DCC: variants seen among roughly 807,000 people sequenced by gnomAD.
The protein encoded by DCC is DCC netrin 1 receptor, also known as netrin receptor DCC.
DCC carries 58 observed loss-of-function variants against 172.5 expected under a neutral mutation model. That is an observed-to-expected ratio of 0.34 (90% CI 0.27 to 0.42). DCC has a LOEUF of 0.42. Ranked by LOEUF, DCC falls within the 10% of genes least tolerant of loss-of-function variation. The pLI is 1.00. For synonymous variants in DCC, 709 were observed against 644.5 expected, an observed-to-expected ratio of 1.10 and a Z score of -1.52; for missense variants, 1,740 against 1,791.0, an observed-to-expected ratio of 0.97 and a Z score of 0.51.
At chr18:52,619,124 G>A (rs1316749507) in intron 1 of DCC, among the ~76,000 whole-genome samples, 1 of 152,070 alleles carries the variant, frequency 6.6e-6, no homozygotes, top group Non-Finnish European at 1.5e-5. Context: ...TTTTAGTAGA[G>A]ACAAGGTTTC....
chr18:52,400,679 G>A (rs1256623444), intron 1 of DCC, among the ~76,000 whole-genome samples: 1 of 152,016 alleles, frequency 6.6e-6, no homozygotes, highest in Non-Finnish European at 1.5e-5. Context: ...CAATAGCAAA[G>A]ACTTGGAACC....
intron 2 of DCC, among the ~76,000 whole-genome samples, chr18:52,791,922 T>TG (rs1417887124): frequency 6.6e-6 from 1 of 152,130 alleles, no homozygotes; most frequent in Non-Finnish European, 1.5e-5. Flanking sequence ...TTCCTGCTGA[T>TG]GGGATAGTAT....
chr18:53,148,623 A>G (rs1006340323), intron 7 of DCC, among the ~76,000 whole-genome samples: 4 of 152,170 alleles, frequency 2.6e-5, no homozygotes, highest in Non-Finnish European at 4.4e-5. Context: ...TGCAATGATT[A>G]GTAAGAAAAT....
At chr18:52,806,127 C>T (rs1316653791) in intron 2 of DCC, among the ~76,000 whole-genome samples, 1 of 152,150 alleles carries the variant, frequency 6.6e-6, no homozygotes, top group African/African-American at 2.4e-5. Flanking sequence ...CAGAAGCTTG[C>T]TGTGATGGAT....
intron 1 of DCC, among the ~76,000 whole-genome samples, chr18:52,738,598 G>A (rs796360840): frequency 5.3e-5 from 8 of 152,190 alleles, no homozygotes; most frequent in African/African-American, 1.7e-4. Flanking sequence ...GGAAGTTACC[G>A]TACTTACTAT....
intron 22 of DCC, among the ~76,000 whole-genome samples, chr18:53,448,494 T>G (rs1010471611): frequency 2.6e-5 from 4 of 152,128 alleles, no homozygotes; most frequent in Admixed American, 6.6e-5. Flanking sequence ...CTGGGTCCCT[T>G]CTGGGACACA....
chr18:52,361,521 C>A (rs950633783), intron 1 of DCC, among the ~76,000 whole-genome samples: 1 of 152,194 alleles, frequency 6.6e-6, no homozygotes, highest in East Asian at 1.9e-4. Flanking sequence ...CCAAGAGAGA[C>A]ACGTGCTAGG....
chr18:52,478,302 C>A (rs1989154732), intron 1 of DCC, among the ~76,000 whole-genome samples: 1 of 152,088 alleles, frequency 6.6e-6, no homozygotes, highest in Non-Finnish European at 1.5e-5. Flanking sequence ...TGTGTCTTTT[C>A]TTTGACCTAT....
chr18:52,555,443 ATACAGAATTATAAGAAG>A (rs2032891043), intron 1 of DCC, among the ~76,000 whole-genome samples: 1 of 152,140 alleles, frequency 6.6e-6, no homozygotes, highest in Non-Finnish European at 1.5e-5. Flanking sequence ...AATTTAGTGA[ATACAGAATTATAAGAAG>A]AAAGCAATGT....
chr18:52,779,060 T>TTGC (rs140215942), intron 2 of DCC, among the ~76,000 whole-genome samples: 8,038 of 152,260 alleles, frequency 0.053, 287 homozygotes, highest in South Asian at 0.16. Flanking sequence ...GTCAATTTAA[T>TTGC]TGTTGTGCTG....
intron 1 of DCC, among the ~76,000 whole-genome samples, chr18:52,701,540 T>C (rs932260807): frequency 1.3e-5 from 2 of 152,208 alleles, no homozygotes; most frequent in African/African-American, 4.8e-5. Flanking sequence ...AGGTTTCATG[T>C]TTTCTCTAAG....
At chr18:52,658,094 C>T (rs1598994279) in intron 1 of DCC, among the ~76,000 whole-genome samples, 1 of 152,292 alleles carries the variant, frequency 6.6e-6, no homozygotes, top group South Asian at 2.1e-4. Flanking sequence ...CCATTGACTT[C>T]CTATGTTTAT....
At chr18:52,520,060 C>G (rs1144056) in intron 1 of DCC, among the ~76,000 whole-genome samples, 151,002 of 152,260 alleles carry the variant, frequency 0.99, 74,892 homozygotes, top group Middle Eastern at 1. Flanking sequence ...ACATTAATTT[C>G]CCTTAATTTT....
chr18:53,272,590 C>T (rs183300055), intron 12 of DCC, among the ~76,000 whole-genome samples: 22 of 152,224 alleles, frequency 1.4e-4, no homozygotes, highest in African/African-American at 5.3e-4. Flanking sequence ...TTGTTTTTAT[C>T]TTCTAATGGA....
intron 1 of DCC, among the ~76,000 whole-genome samples, chr18:52,430,521 G>A (rs982132633): frequency 3.3e-5 from 5 of 152,150 alleles, no homozygotes; most frequent in Non-Finnish European, 7.4e-5. Context: ...GAAAGCTTGG[G>A]ACAGTGATGA....
At chr18:52,344,494 C>T (rs769616500) in intron 1 of DCC, among the ~76,000 whole-genome samples, 1 of 152,166 alleles carries the variant, frequency 6.6e-6, no homozygotes, top group African/African-American at 2.4e-5. Context: ...ATACATCTAA[C>T]AGTCTGGGAT....
chr18:53,198,551 A>G (rs1388965854), intron 9 of DCC, among the ~76,000 whole-genome samples: 3 of 152,070 alleles, frequency 2.0e-5, no homozygotes, highest in Admixed American at 2.0e-4. Context: ...GCTAACTTTT[A>G]TATGCCGTTT....
intron 2 of DCC, among the ~76,000 whole-genome samples, chr18:52,793,297 G>T (rs905590516): frequency 1.3e-5 from 2 of 152,164 alleles, no homozygotes; most frequent in Non-Finnish European, 2.9e-5. Context: ...CCTTGAACAT[G>T]TCTAGTCCTA....
At chr18:52,472,210 C>T (rs1275607892) in intron 1 of DCC, among the ~76,000 whole-genome samples, 2 of 152,130 alleles carry the variant, frequency 1.3e-5, no homozygotes, top group Non-Finnish European at 2.9e-5. Context: ...CTTCCTTTTA[C>T]CCTCAATAGA....
Sources: gnomAD v4.1 joint callset for allele counts (sites outside exome capture counted in the v4.1 genomes callset) on GRCh38, gnomAD v4.1.1 for gene constraint, MANE v1.5 for transcripts, NCBI Gene and HGNC (gene_info 2026-07-23, HGNC 2026-07-21) for gene names.